Variants in SNX29 observed in about 807,000 individuals in gnomAD.
SNX29 encodes sorting nexin 29.
SNX29 carries 78 observed loss-of-function variants against 102.1 expected under a neutral mutation model. That is an observed-to-expected ratio of 0.76 (90% CI 0.64 to 0.92). The LOEUF is 0.92. SNX29 is among the 40% of genes least tolerant of loss of function. The pLI is 0.00. For missense variants in SNX29, 1,280 were observed against 1,061.7 expected (o/e 1.21, Z -2.86); for synonymous variants, 580 against 414.5 (o/e 1.40, Z -4.85).
chr16:12,234,966 C>G (rs752697980), intron 14 of SNX29, among the ~76,000 whole-genome samples: 1 of 152,140 alleles, frequency 6.6e-6, no homozygotes, highest in Non-Finnish European at 1.5e-5. Context: ...CTTCTCTTCT[C>G]TGAGTGTGTG....
chr16:12,440,101 G>A (rs554537621), intron 18 of SNX29, among the ~76,000 whole-genome samples: 3 of 152,294 alleles, frequency 2.0e-5, no homozygotes, highest in Admixed American at 2.0e-4. Flanking sequence ...ACTGAAAGAA[G>A]CTGTGCTCGC....
At chr16:12,070,925 G>A (rs566528627) in intron 10 of SNX29, among the ~76,000 whole-genome samples, 2 of 152,270 alleles carry the variant, frequency 1.3e-5, no homozygotes, top group Admixed American at 6.5e-5. Flanking sequence ...GATGGCCAGC[G>A]ATGATGAGCA....
intron 14 of SNX29, among the ~76,000 whole-genome samples, chr16:12,252,717 T>A (rs1476350734): frequency 1.3e-5 from 2 of 152,184 alleles, no homozygotes; most frequent in East Asian, 3.8e-4. Flanking sequence ...AGGTGCCTGG[T>A]GCCTGTTCCG....
intron 15 of SNX29, among the ~76,000 whole-genome samples, chr16:12,293,798 A>G (rs2079884190): frequency 6.6e-6 from 1 of 152,210 alleles, no homozygotes; most frequent in South Asian, 2.1e-4. Context: ...GGAAAGCTGC[A>G]GATATCTTTC....
At chr16:12,056,795 T>A (rs2050538939) in intron 8 of SNX29, among the ~76,000 whole-genome samples, 1 of 152,134 alleles carries the variant, frequency 6.6e-6, no homozygotes, top group Non-Finnish European at 1.5e-5. Flanking sequence ...TCAGGTTTTG[T>A]TCTTTTGTTC....
intron 18 of SNX29, among the ~76,000 whole-genome samples, chr16:12,466,882 G>A (rs1382207685): frequency 6.6e-6 from 1 of 152,170 alleles, no homozygotes; most frequent in Non-Finnish European, 1.5e-5. Flanking sequence ...CTCTAACAGA[G>A]GCCATTTGCA....
chr16:12,407,690 T>A (rs2084221317), intron 18 of SNX29, among the ~76,000 whole-genome samples: 1 of 152,184 alleles, frequency 6.6e-6, no homozygotes, highest in Non-Finnish European at 1.5e-5. Context: ...ATTTTATAGG[T>A]GAAGAATCAA....
At chr16:12,124,646 A>G (rs1190039974) in intron 11 of SNX29, among the ~76,000 whole-genome samples, 2 of 152,226 alleles carry the variant, frequency 1.3e-5, no homozygotes, top group African/African-American at 2.4e-5. Flanking sequence ...ACAGGAGCAG[A>G]GATTCATTGA....
intron 11 of SNX29, among the ~76,000 whole-genome samples, chr16:12,092,636 T>A (rs1010470820): frequency 5.9e-5 from 9 of 152,236 alleles, no homozygotes; most frequent in Non-Finnish European, 1.2e-4. Context: ...TGTGCCTCAG[T>A]TTCGCAAGCT....
chr16:12,272,467 A>G (rs2079119594), intron 14 of SNX29, among the ~76,000 whole-genome samples: 1 of 152,230 alleles, frequency 6.6e-6, no homozygotes, highest in Admixed American at 6.5e-5. Flanking sequence ...AGCTGCAGCC[A>G]GCTTCATGCT....
rs1438435042 is a variant in SNX29, at chr16:12,572,949, G to C, written c.*4320G>C. On this transcript the variant is annotated 3_prime_UTR_variant, in exon 21 of 21. Coordinates refer to ENST00000566228, the MANE Select transcript of SNX29 (RefSeq NM_032167.5). ...TTCTTCAAGGCAGGCATCTGCTTAT[G>C]AGCAAGGTCAAAGATTTTTCAAAAT... 1.0e-5 allele frequency: 7 copies of C among 693,770 alleles called. No individual in the cohort carries two copies. Among genetic ancestry groups the C allele is most frequent in the Non-Finnish European group, 1.3e-5 (7 of 540,510 alleles). 43.0% of individuals were successfully genotyped at this position (693,770 alleles called of 1,614,324 possible).
At chr16:12,514,354 G>A (rs1232300623) in intron 19 of SNX29, among the ~76,000 whole-genome samples, 1 of 152,022 alleles carries the variant, frequency 6.6e-6, no homozygotes, top group Non-Finnish European at 1.5e-5. Context: ...TGAATCTTGT[G>A]GTCCCCCTAA....
chr16:12,177,913 G>T (rs1392265678), intron 13 of SNX29, among the ~76,000 whole-genome samples: 1 of 152,190 alleles, frequency 6.6e-6, no homozygotes, highest in African/African-American at 2.4e-5. Flanking sequence ...AGAACACTCT[G>T]TGCCTAGATA....
At chr16:12,371,296 TC>T (rs1290714781) in intron 16 of SNX29, among the ~76,000 whole-genome samples, 1 of 151,414 alleles carries the variant, frequency 6.6e-6, no homozygotes, top group Non-Finnish European at 1.5e-5. Context: ...CCTCTTTCCT[TC>T]CTTTCCTCTT....
chr16:12,036,049 G>A (rs1173022062), intron 4 of SNX29, among the ~76,000 whole-genome samples: 1 of 152,236 alleles, frequency 6.6e-6, no homozygotes, highest in Admixed American at 6.5e-5. Context: ...CGTGGGGTTG[G>A]ATTTTCTTTG....
chr16:11,996,212 T>C (rs1179443201), intron 1 of SNX29, among the ~76,000 whole-genome samples: 1 of 152,014 alleles, frequency 6.6e-6, no homozygotes, highest in Admixed American at 6.6e-5. Flanking sequence ...ACCCCGTCTG[T>C]ATAAAAAATA....
chr16:11,997,818 T>A (rs1207737346), intron 1 of SNX29, among the ~76,000 whole-genome samples: 3 of 152,198 alleles, frequency 2.0e-5, no homozygotes, highest in African/African-American at 7.2e-5. Flanking sequence ...ATGGATCTTT[T>A]ACACCATTTA....
At chr16:12,324,758 C>G (rs918854258) in intron 15 of SNX29, among the ~76,000 whole-genome samples, 1 of 152,098 alleles carries the variant, frequency 6.6e-6, no homozygotes, top group Non-Finnish European at 1.5e-5. Flanking sequence ...GAACACAGCT[C>G]AGAGCTGACA....
intron 11 of SNX29, chr16:12,086,761 ATT>A (rs1418592290): frequency 6.7e-6 from 1 of 149,434 alleles, no homozygotes; most frequent in African/African-American, 2.6e-5. Flanking sequence ...TACCAGTTTA[ATT>A]TAACTATTGT....
Sources: allele counts gnomAD v4.1 joint callset (sites outside exome capture counted in the v4.1 genomes callset), GRCh38; gene constraint gnomAD v4.1.1; transcripts MANE v1.5; gene names NCBI Gene and HGNC (gene_info 2026-07-23, HGNC 2026-07-21).